The following GRID2 variants were observed in gnomAD, a reference collection of about 807,000 sequenced individuals.
The protein encoded by GRID2 is glutamate ionotropic receptor delta type subunit 2.
Under a neutral mutation model 114.8 loss-of-function variants are expected in GRID2, and 33 were observed. The ratio of observed to expected loss-of-function variants is 0.29; its 90% CI spans 0.22 to 0.38. The LOEUF (loss-of-function observed/expected upper bound fraction) is 0.38, where lower values mean the gene tolerates loss of function less well. Ranked by LOEUF, GRID2 falls within the 10% of genes least tolerant of loss-of-function variation. GRID2 has a pLI of 1.00. For synonymous variants in GRID2, 505 were observed against 449.9 expected (o/e 1.12, Z -1.55); for missense variants, 1,184 against 1,257.7 (o/e 0.94, Z 0.89).
intron 14 of GRID2, 75 bp downstream of exon 14, chr4:93,626,510 G>C (rs1351048872): frequency 1.1e-6 from 1 of 930,588 alleles, no homozygotes; most frequent in Non-Finnish European, 1.6e-6. Flanking sequence ...TACCAGATCT[G>C]GTTTATTACA....
chr4:92,345,048 C>G (rs1727695442), intron 1 of GRID2, among the ~76,000 whole-genome samples: 1 of 152,182 alleles, frequency 6.6e-6, no homozygotes, highest in Non-Finnish European at 1.5e-5. Flanking sequence ...TTTCAGCTTT[C>G]TCCCCTGAGT....
At position 93,773,379 on chromosome 4, in the gene GRID2, T is replaced by G. The variant is rs1038640979; in HGVS notation, c.*881T>G. 6 of 152,130 alleles carry G rather than the reference T, an allele frequency of 3.9e-5. No individual in the cohort carries two copies. Among genetic ancestry groups the G allele is most frequent in the Non-Finnish European group, 8.8e-5 (6 of 67,990 alleles). The allele number at this position is 152,130 out of a possible 1,614,324, so 9.4% of individuals were successfully genotyped here. A position where few individuals can be genotyped will look rare whatever the true frequency, so the allele number is the denominator to read the frequency against. On this transcript the variant is annotated 3_prime_UTR_variant, in exon 16 of 16. Coordinates refer to ENST00000282020, the MANE Select transcript of GRID2 (RefSeq NM_001510.4). Reference sequence around the variant, plus strand: ...GTTCTTTTCAGTTAGAAAAGGCAGGTTGCTTTAATGTTATTCTGACTCGCA... The same window carrying G: ...GTTCTTTTCAGTTAGAAAAGGCAGGGTGCTTTAATGTTATTCTGACTCGCA...
intron 8 of GRID2, among the ~76,000 whole-genome samples, chr4:93,362,345 T>A (rs2149276715): frequency 6.6e-6 from 1 of 152,038 alleles, no homozygotes; most frequent in African/African-American, 2.4e-5. Context: ...TGTGGACAGT[T>A]CTTAGGCTTA....
At chr4:93,073,342 A>C (rs1380297795) in intron 2 of GRID2, among the ~76,000 whole-genome samples, 1 of 152,208 alleles carries the variant, frequency 6.6e-6, no homozygotes, top group Non-Finnish European at 1.5e-5. Context: ...TATTGAAGAT[A>C]TAGTACAGTA....
intron 1 of GRID2, among the ~76,000 whole-genome samples, chr4:92,550,698 G>T (rs573525614): frequency 1.8e-4 from 28 of 152,086 alleles, no homozygotes; most frequent in African/African-American, 5.5e-4. Context: ...GCACGGAGAA[G>T]AACCTAAAAA....
At chr4:93,014,957 A>C (rs1162140904) in intron 2 of GRID2, among the ~76,000 whole-genome samples, 1 of 152,134 alleles carries the variant, frequency 6.6e-6, no homozygotes, top group Non-Finnish European at 1.5e-5. Flanking sequence ...GAAAAATAAA[A>C]AGATGGTGAG....
intron 4 of GRID2, among the ~76,000 whole-genome samples, chr4:93,174,296 G>C (rs1248096818): frequency 1.3e-5 from 2 of 152,036 alleles, no homozygotes; most frequent in African/African-American, 4.8e-5. Flanking sequence ...CTGACACCTG[G>C]CAACCACTAA....
chr4:93,383,446 C>A (rs754231325), intron 8 of GRID2, among the ~76,000 whole-genome samples: 1 of 152,118 alleles, frequency 6.6e-6, no homozygotes, highest in East Asian at 1.9e-4. Flanking sequence ...CAAAAGTAAC[C>A]ATAATTTTCC....
At chr4:92,974,137 A>G (rs529327963) in intron 2 of GRID2, among the ~76,000 whole-genome samples, 1 of 152,220 alleles carries the variant, frequency 6.6e-6, no homozygotes, top group Non-Finnish European at 1.5e-5. Context: ...CCACAATAAG[A>G]TACCATCTCA....
intron 2 of GRID2, among the ~76,000 whole-genome samples, chr4:92,963,926 C>A (rs1752975776): frequency 1.3e-5 from 2 of 151,972 alleles, no homozygotes; most frequent in Non-Finnish European, 2.9e-5. Flanking sequence ...ATATTAATTT[C>A]CTTGTGAATC....
chr4:92,429,130 T>C (rs1732309643), intron 1 of GRID2, among the ~76,000 whole-genome samples: 1 of 152,158 alleles, frequency 6.6e-6, no homozygotes. Flanking sequence ...TCTGTTCTTG[T>C]GTTAATCTGC....
chr4:93,034,007 T>C (rs1265964335), intron 2 of GRID2, among the ~76,000 whole-genome samples: 1 of 152,192 alleles, frequency 6.6e-6, no homozygotes. Context: ...CCAAGATGAA[T>C]CGTCAGCTCT....
chr4:92,982,578 C>T (rs901820795), intron 2 of GRID2, among the ~76,000 whole-genome samples: 17 of 152,150 alleles, frequency 1.1e-4, no homozygotes, highest in African/African-American at 3.9e-4. Flanking sequence ...TCCTCACCAT[C>T]AATGCCTTAG....
intron 8 of GRID2, among the ~76,000 whole-genome samples, chr4:93,372,053 A>G (rs1167671551): frequency 2.6e-5 from 4 of 152,068 alleles, no homozygotes; most frequent in Non-Finnish European, 5.9e-5. Context: ...ACCCACCACT[A>G]TTTCTTTTGT....
At chr4:92,792,296 A>T (rs937483223) in intron 2 of GRID2, among the ~76,000 whole-genome samples, 1 of 151,832 alleles carries the variant, frequency 6.6e-6, no homozygotes, top group Non-Finnish European at 1.5e-5. Context: ...CGTGAAGTTC[A>T]GAGTTGTTAG....
intron 8 of GRID2, among the ~76,000 whole-genome samples, chr4:93,389,149 C>T (rs1764609168): frequency 6.6e-6 from 1 of 151,972 alleles, no homozygotes; most frequent in Non-Finnish European, 1.5e-5. Context: ...TACCCATGAC[C>T]TTAAGTGGTT....
chr4:93,463,971 A>G lies in GRID2; in HGVS notation c.1858+7997A>G, dbSNP rs1338238255. The stretch of plus-strand genomic sequence containing the variant: ...GCCACTGCACTCCAGCCTGGGCGAC[A>G]CAGCAAGACTCCATCTCAAAAACAA... On this transcript the variant is annotated intron_variant, in intron 11 of 15. Transcript: ENST00000282020. Among the ~76,000 whole-genome samples, 4 of 152,218 alleles carry G rather than the reference A, an allele frequency of 2.6e-5. No homozygotes were observed. In the East Asian group the frequency reaches 7.8e-4, roughly 30 times the overall value.
chr4:93,451,686 T>TCTTA (rs766748078), intron 10 of GRID2, among the ~76,000 whole-genome samples: 6 of 152,014 alleles, frequency 3.9e-5, no homozygotes, highest in Non-Finnish European at 5.9e-5. Flanking sequence ...TTTCAGGTAG[T>TCTTA]CTTACAAGGA....
chr4:92,363,711 A>C (rs1728722089), intron 1 of GRID2, among the ~76,000 whole-genome samples: 1 of 152,000 alleles, frequency 6.6e-6, no homozygotes, highest in African/African-American at 2.4e-5. Flanking sequence ...TCATATGGAA[A>C]AGGGTTTAGC....
Sources: allele counts gnomAD v4.1 joint callset (sites outside exome capture counted in the v4.1 genomes callset), GRCh38; gene constraint gnomAD v4.1.1; transcripts MANE v1.5; gene names NCBI Gene and HGNC (gene_info 2026-07-23, HGNC 2026-07-21).